ANK3: variants seen among roughly 807,000 people sequenced by gnomAD.
The protein encoded by ANK3 is ankyrin 3, also known as ankyrin-3.
ANK3 carries 57 observed loss-of-function variants against 370.9 expected under a neutral mutation model. The ratio of observed to expected loss-of-function variants is 0.15; its 90% CI spans 0.12 to 0.19. ANK3 has a LOEUF of 0.19. Ranked by LOEUF, ANK3 falls within the 10% of genes least tolerant of loss-of-function variation. ANK3 has a pLI of 1.00. For missense variants in ANK3, 4,439 were observed against 5,302.1 expected, an observed-to-expected ratio of 0.84 and a Z score of 5.06; for synonymous variants, 1,929 against 1,946.3, an observed-to-expected ratio of 0.99 and a Z score of 0.23.
chr10:60,065,109 C>T (rs530979994), intron 38 of ANK3, among the ~76,000 whole-genome samples: 2 of 152,172 alleles, frequency 1.3e-5, no homozygotes, highest in Non-Finnish European at 2.9e-5. Context: ...TATATGATGA[C>T]TCCAGGCCAG....
chr10:60,447,261 A>C (rs2133028384), intron 2 of ANK3, among the ~76,000 whole-genome samples: 1 of 152,340 alleles, frequency 6.6e-6, no homozygotes, highest in South Asian at 2.1e-4. Context: ...TTCTAAAAAC[A>C]TCACAGCCTG....
intron 1 of ANK3, among the ~76,000 whole-genome samples, chr10:60,311,374 T>G (rs1258182507): frequency 6.6e-6 from 1 of 151,430 alleles, no homozygotes; most frequent in Non-Finnish European, 1.5e-5. Flanking sequence ...ACCACTGAAA[T>G]GTAACCCTAC....
chr10:60,451,179 C>A (rs917104217), intron 2 of ANK3, among the ~76,000 whole-genome samples: 2 of 152,156 alleles, frequency 1.3e-5, no homozygotes, highest in Non-Finnish European at 2.9e-5. Flanking sequence ...AGAGGAGAGG[C>A]ATGAAAGAGA....
chr10:60,143,222 G>T (rs2094648933), intron 23 of ANK3, among the ~76,000 whole-genome samples: 1 of 133,290 alleles, frequency 7.5e-6, no homozygotes, highest in Admixed American at 7.7e-5. Flanking sequence ...AAAATTTGTT[G>T]ATGGAATGAA....
intron 2 of ANK3, among the ~76,000 whole-genome samples, chr10:60,449,030 AGAG>A (rs2064526366): frequency 6.6e-6 from 1 of 152,198 alleles, no homozygotes; most frequent in Non-Finnish European, 1.5e-5. Context: ...GGCAAATTTC[AGAG>A]GAGGTTAGAA....
chr10:60,043,027 C>A, intron 42 of ANK3: 1 of 1,219,056 alleles, frequency 8.2e-7, no homozygotes, highest in African/African-American at 1.6e-5. Flanking sequence ...TAACGAGCAG[C>A]CTATCCATTT....
At chr10:60,262,058 T>C (rs766875476) in intron 6 of ANK3, 101 bp from the exon 7 acceptor site, 117 of 902,920 alleles carry the variant, frequency 1.3e-4, no homozygotes, top group Non-Finnish European at 1.9e-4. Context: ...GGAAGCAAAA[T>C]ATGCTGAGGT....
intron 1 of ANK3, among the ~76,000 whole-genome samples, chr10:60,617,060 T>C (rs1490458055): frequency 6.6e-6 from 1 of 152,214 alleles, no homozygotes; most frequent in Non-Finnish European, 1.5e-5. Flanking sequence ...AGGCTATTAA[T>C]CATTTGTGTA....
chr10:60,117,358 A>G (rs1421595143), intron 25 of ANK3, among the ~76,000 whole-genome samples: 1 of 152,190 alleles, frequency 6.6e-6, no homozygotes, highest in Non-Finnish European at 1.5e-5. Context: ...GAAAGCTCTA[A>G]GCGAGATGAG....
intron 1 of ANK3, among the ~76,000 whole-genome samples, chr10:60,378,201 G>T (rs2061071171): frequency 6.6e-6 from 1 of 152,086 alleles, no homozygotes; most frequent in Non-Finnish European, 1.5e-5. Context: ...CATTTTGTCT[G>T]TATCATCAGC....
intron 1 of ANK3, among the ~76,000 whole-genome samples, chr10:60,347,404 C>T (rs949663785): frequency 6.6e-6 from 1 of 151,684 alleles, no homozygotes; most frequent in African/African-American, 2.4e-5. Context: ...TTCTGCTTGA[C>T]TATGAAGCAC....
intron 24 of ANK3, chr10:60,137,392 A>AAAAAAC (rs57050709): frequency 2.8e-6 from 1 of 354,574 alleles, no homozygotes; most frequent in African/African-American, 2.2e-5. Context: ...AAAAAAAAAA[A>AAAAAAC]CAAGAAATAG....
chr10:60,183,549 C>T (rs2096252908), intron 17 of ANK3, among the ~76,000 whole-genome samples: 1 of 152,072 alleles, frequency 6.6e-6, no homozygotes, highest in Non-Finnish European at 1.5e-5. Flanking sequence ...GCATTTTGAT[C>T]ATTGCTCATT....
intron 2 of ANK3, among the ~76,000 whole-genome samples, chr10:60,479,206 C>T (rs867047827): frequency 6.6e-6 from 1 of 152,028 alleles, no homozygotes; most frequent in Non-Finnish European, 1.5e-5. Context: ...CACCACATAA[C>T]GTTTCAATGA....
intron 2 of ANK3, among the ~76,000 whole-genome samples, chr10:60,613,724 A>T (rs2078230544): frequency 6.6e-6 from 1 of 151,872 alleles, no homozygotes; most frequent in African/African-American, 2.4e-5. Flanking sequence ...TCATGAAAAA[A>T]ACCAGCATCA....
intron 2 of ANK3, among the ~76,000 whole-genome samples, chr10:60,614,218 T>C (rs1423707160): frequency 1.3e-5 from 2 of 152,208 alleles, no homozygotes; most frequent in African/African-American, 2.4e-5. Context: ...TGTTAGACTA[T>C]TTTTTACTTA....
At chr10:60,136,903 T>C (rs1565241145) in intron 24 of ANK3, among the ~76,000 whole-genome samples, 1 of 152,168 alleles carries the variant, frequency 6.6e-6, no homozygotes, top group African/African-American at 2.4e-5. Flanking sequence ...CAACTATTTG[T>C]AGCCATCAGT....
intron 8 of ANK3, among the ~76,000 whole-genome samples, chr10:60,226,511 ATAGT>A (rs2097153927): frequency 3.8e-5 from 2 of 53,266 alleles, no homozygotes; most frequent in South Asian, 1.3e-3. Context: ...GTATATATAC[ATAGT>A]ATATATACTA....
At chr10:60,350,673 A>C (rs759432450) in intron 1 of ANK3, among the ~76,000 whole-genome samples, 1 of 152,186 alleles carries the variant, frequency 6.6e-6, no homozygotes, top group Non-Finnish European at 1.5e-5. Context: ...GCTGTTGCCA[A>C]GATAAAAGCA....
Sources: allele counts gnomAD v4.1 joint callset (sites outside exome capture counted in the v4.1 genomes callset), GRCh38; gene constraint gnomAD v4.1.1; transcripts MANE v1.5; gene names NCBI Gene and HGNC (gene_info 2026-07-23, HGNC 2026-07-21).